Variants in OSBPL10 observed in about 807,000 individuals in gnomAD.
OSBPL10 encodes the protein oxysterol binding protein like 10.
In OSBPL10, 49 loss-of-function variants were observed where a neutral mutation model predicts 81.7. The observed-to-expected ratio is 0.60, with a 90% CI of 0.48 to 0.76. The LOEUF (loss-of-function observed/expected upper bound fraction) is 0.76. Among genes scored for constraint, OSBPL10 ranks in the 30% least tolerant of loss-of-function variants. The pLI is 0.00. For missense variants in OSBPL10, 923 were observed against 987.8 expected (o/e 0.93, Z 0.88); for synonymous variants, 419 against 383.6 (o/e 1.09, Z -1.08).
intron 1 of OSBPL10, among the ~76,000 whole-genome samples, chr3:32,050,911 C>T (rs866214389): frequency 1.5e-4 from 23 of 152,116 alleles, no homozygotes; most frequent in African/African-American, 4.3e-4. Context: ...CCGCCCACCT[C>T]GGCCTCCCAA....
chr3:31,747,567 G>C (rs1697566207), intron 5 of OSBPL10, among the ~76,000 whole-genome samples: 1 of 150,346 alleles, frequency 6.7e-6, no homozygotes, highest in South Asian at 2.1e-4. Flanking sequence ...TGTGATGCCA[G>C]CAAGTCTGAA....
At chr3:32,012,286 T>G (rs1269577322) in intron 2 of OSBPL10, among the ~76,000 whole-genome samples, 2 of 152,182 alleles carry the variant, frequency 1.3e-5, no homozygotes, top group Non-Finnish European at 2.9e-5. Flanking sequence ...GGGGCCAATA[T>G]TCAACATTCT....
At chr3:31,871,186 C>G (rs1052052994) in intron 3 of OSBPL10, among the ~76,000 whole-genome samples, 4 of 152,200 alleles carry the variant, frequency 2.6e-5, no homozygotes, top group African/African-American at 7.2e-5. Context: ...CTACTGCTCA[C>G]TCTTTGGGTC....
At chr3:31,811,979 T>C (rs1699693323) in intron 4 of OSBPL10, among the ~76,000 whole-genome samples, 1 of 152,204 alleles carries the variant, frequency 6.6e-6, no homozygotes, top group Non-Finnish European at 1.5e-5. Context: ...AACCAATAAA[T>C]AACTCCAAAT....
intron 4 of OSBPL10, among the ~76,000 whole-genome samples, chr3:31,750,762 C>T (rs4955195): frequency 6.6e-6 from 1 of 151,782 alleles, no homozygotes; most frequent in East Asian, 1.9e-4. Flanking sequence ...ATGCCATAAT[C>T]TTAAGATTTT....
chr3:31,712,516 T>A lies in OSBPL10; in HGVS notation c.1096-10008A>T, dbSNP rs931419020. On this transcript the variant is annotated intron_variant, in intron 6 of 11. Transcript: ENST00000396556. ...CACGCTGTGGACAGGAAGAGGAATA[T>A]AGATGCAACGTTCCTGGCTCTGAAG... Among the ~76,000 whole-genome samples, 20 of 152,286 alleles carry A rather than the reference T, an allele frequency of 1.3e-4. No individual in the cohort carries two copies. In the East Asian group the frequency reaches 2.3e-3, roughly 18 times the overall value.
chr3:31,900,629 T>C (rs1206001571), intron 1 of OSBPL10, among the ~76,000 whole-genome samples: 4 of 152,264 alleles, frequency 2.6e-5, no homozygotes, highest in Non-Finnish European at 5.9e-5. Flanking sequence ...GTCTTTATTC[T>C]AGAAGGGAGT....
chr3:31,874,139 A>G (rs73824706), intron 3 of OSBPL10, among the ~76,000 whole-genome samples: 1 of 151,792 alleles, frequency 6.6e-6, no homozygotes, highest in African/African-American at 2.4e-5. Context: ...TACCATTAGG[A>G]AGGCTTTAAT....
At chr3:31,683,580 G>C (rs1219224126) in intron 8 of OSBPL10, 54 bp downstream of exon 8, 3 of 1,567,568 alleles carry the variant, frequency 1.9e-6, no homozygotes, top group Non-Finnish European at 2.6e-6. Flanking sequence ...TCATCTACCA[G>C]GTATAGAAAC....
chr3:31,837,649 CAAA>C (rs10704809), intron 3 of OSBPL10, among the ~76,000 whole-genome samples: 1 of 136,454 alleles, frequency 7.3e-6, no homozygotes. Context: ...TGTTTTATTT[CAAA>C]AAAAAAAAAA....
intron 2 of OSBPL10, among the ~76,000 whole-genome samples, chr3:32,043,419 C>G (rs546701727): frequency 1.3e-5 from 2 of 152,124 alleles, no homozygotes; most frequent in Non-Finnish European, 2.9e-5. Context: ...GTTTTATAAT[C>G]AATTTGTACA....
intron 1 of OSBPL10, among the ~76,000 whole-genome samples, chr3:31,978,011 T>C (rs899888586): frequency 1.3e-5 from 2 of 152,176 alleles, no homozygotes; most frequent in African/African-American, 4.8e-5. Flanking sequence ...ACTGCCTTCC[T>C]AAGGGCATGA....
At chr3:31,795,905 A>G (rs985827666) in intron 4 of OSBPL10, 1 of 238,560 alleles carries the variant, frequency 4.2e-6, no homozygotes, top group Non-Finnish European at 9.5e-6. Context: ...GTTACTGTGC[A>G]TCAGAGGGTT....
In OSBPL10 at chr3:31,661,581, A is replaced by C. The variant is rs1461408785; in HGVS notation, c.*491T>G. The C allele has an allele frequency of 6.6e-6, 1 of 152,330 alleles. No homozygotes were observed. The highest frequency in any genetic ancestry group is 2.4e-5 in the African/African-American group (1 of 41,466). 9.4% of individuals were successfully genotyped at this position (152,330 alleles called of 1,614,324 possible). A position where few individuals can be genotyped will look rare whatever the true frequency, so the allele number is the denominator to read the frequency against. On this transcript the variant is annotated 3_prime_UTR_variant, in exon 12 of 12. Transcript: ENST00000396556. ...AGAATCACAATAATTTTGAAATGAT[A>C]ACCACCCATACTTCTACCAGGAATG...
chr3:31,835,869 C>G (rs1700349846), intron 3 of OSBPL10, among the ~76,000 whole-genome samples: 1 of 152,110 alleles, frequency 6.6e-6, no homozygotes, highest in South Asian at 2.1e-4. Flanking sequence ...ATTTTTAAAA[C>G]AGTATATTGA....
intron 1 of OSBPL10, among the ~76,000 whole-genome samples, chr3:31,883,536 T>G (rs377372956): frequency 0.044 from 5,091 of 115,722 alleles, 313 homozygotes; most frequent in African/African-American, 0.18. Context: ...CTGTTTTTTT[T>G]TTGTTGTTTT....
At chr3:31,937,405 G>A (rs569709234) in intron 1 of OSBPL10, among the ~76,000 whole-genome samples, 28 of 152,218 alleles carry the variant, frequency 1.8e-4, no homozygotes, top group African/African-American at 5.1e-4. Flanking sequence ...TTACTCATCC[G>A]AGAAGGCATA....
At chr3:31,861,374 T>C (rs1444572813) in intron 3 of OSBPL10, among the ~76,000 whole-genome samples, 1 of 152,190 alleles carries the variant, frequency 6.6e-6, no homozygotes, top group South Asian at 2.1e-4. Flanking sequence ...TTACTTATAA[T>C]GTCTAATGCA....
At position 31,724,692 on chromosome 3, in the gene OSBPL10, A is replaced by G. The variant is rs1372502277; in HGVS notation, c.1095+8565T>C. 2.6e-5 allele frequency among the ~76,000 whole-genome samples: 4 copies of G among 152,356 alleles called. No individual in the cohort carries two copies. The East Asian group carries it at 5.8e-4, about 22-fold the overall frequency. ...CCCCCAAAACTGCACAGAAAAATAT[A>G]CTATCATGCCTTGTACTCAGACAGC... On this transcript the variant is annotated intron_variant, in intron 6 of 11. Coordinates refer to ENST00000396556, the MANE Select transcript of OSBPL10 (RefSeq NM_017784.5).
Sources: allele counts gnomAD v4.1 joint callset (sites outside exome capture counted in the v4.1 genomes callset), GRCh38; gene constraint gnomAD v4.1.1; transcripts MANE v1.5; gene names NCBI Gene and HGNC (gene_info 2026-07-23, HGNC 2026-07-21).